ZWILCH: variants seen among roughly 807,000 people sequenced by gnomAD.
ZWILCH encodes protein zwilch homolog.
Under a neutral mutation model 79.9 loss-of-function variants are expected in ZWILCH, and 74 were observed. That is an observed-to-expected ratio of 0.93 (90% confidence interval 0.77 to 1.12). The LOEUF is 1.12. Among genes scored for constraint, ZWILCH ranks in the 50% most tolerant of loss-of-function variants. The pLI is 0.00. For missense variants in ZWILCH, 694 were observed against 687.5 expected (o/e 1.01, Z -0.11); for synonymous variants, 241 against 228.2 (o/e 1.06, Z -0.51).
intron 13 of ZWILCH, among the ~76,000 whole-genome samples, chr15:66,532,784 A>G (rs1894894821): frequency 6.6e-6 from 1 of 152,022 alleles, no homozygotes; most frequent in African/African-American, 2.4e-5. Context: ...ATGGTATAAT[A>G]TGCCAGGAAA....
chr15:66,537,516 C>T (rs1895053240), intron 16 of ZWILCH, among the ~76,000 whole-genome samples: 2 of 151,784 alleles, frequency 1.3e-5, no homozygotes, highest in African/African-American at 4.8e-5. Flanking sequence ...AATGGTGAAA[C>T]CCCATCTCTA....
chr15:66,537,136 T>A (rs776622856), intron 15 of ZWILCH, 32 bp from the exon 16 acceptor site: 5 of 1,578,800 alleles, frequency 3.2e-6, no homozygotes, highest in Non-Finnish European at 4.3e-6. Flanking sequence ...ATGGCTCTTT[T>A]TTCCAAAAGA....
In ZWILCH at chr15:66,546,728, C is replaced by T. The variant is rs756634248; in HGVS notation, c.*26+23C>T. 9.5e-6 allele frequency: 13 copies of T among 1,362,770 alleles called. No individual in the cohort carries two copies. In the South Asian group the frequency reaches 1.1e-4, roughly 11 times the overall value. The allele number at this position is 1,362,770 out of a possible 1,614,324, so 84.4% of individuals were successfully genotyped here. On this transcript the variant is annotated intron_variant, in intron 18 of 18. Coordinates refer to ENST00000307897, the MANE Select transcript of ZWILCH (RefSeq NM_017975.5). The stretch of plus-strand genomic sequence containing the variant: ...AAGGTATTTATGTTCACATTTTAGT[C>T]TCTTTGTCAAATACTTTGTAATAAG...
In ZWILCH at chr15:66,533,520, T is replaced by A. The variant is rs1028101209; in HGVS notation, c.1341+507T>A. 5.9e-5 allele frequency among the ~76,000 whole-genome samples: 9 copies of A among 152,332 alleles called. No homozygotes were observed. In the East Asian group the frequency reaches 1.7e-3, roughly 29 times the overall value. ...CTGATCTTTGACGTTCATTGAAAGA[T>A]CCTTTTGAAAATGAATTTATAGTAT... is the stretch of plus-strand genomic sequence containing the variant. On this transcript the variant is annotated intron_variant, in intron 14 of 18. Transcript: ENST00000307897.
Position 66,532,304 on chromosome 15 carries a change from A to C in ZWILCH, c.1213A>C (p.Thr405Pro), listed in dbSNP as rs1343391890. Residue 405 changes from threonine to proline, a missense_variant, in exon 13 of 19, where the codon ACC becomes CCC. Thr to Pro is a conservative substitution (Grantham distance 38). Transcript: ENST00000307897. ...SKLIHQSYHGTMDTVSLSGTI... is the reference protein window; with the variant it reads ...SKLIHQSYHGPMDTVSLSGTI... ...GCTCATTCATCAGTCTTATCATGGA[A>C]CCATGGACACAGTTTCTCTCAGTGG... The C allele has an allele frequency of 6.2e-7, 1 of 1,612,108 alleles. No homozygotes were observed. The highest frequency in any genetic ancestry group is 1.3e-5 in the African/African-American group (1 of 74,770).
At chr15:66,529,785 A>G (rs1219324625) in intron 12 of ZWILCH, among the ~76,000 whole-genome samples, 1 of 152,188 alleles carries the variant, frequency 6.6e-6, no homozygotes, top group Non-Finnish European at 1.5e-5. Context: ...GTGTTCCAGG[A>G]TTGATTAATG....
At chr15:66,540,705 T>G (rs1895166200) in intron 17 of ZWILCH, among the ~76,000 whole-genome samples, 1 of 150,604 alleles carries the variant, frequency 6.6e-6, no homozygotes, top group African/African-American at 2.4e-5. Context: ...CTCAGCTCAC[T>G]GCAGCCTCCG....
At position 66,528,753 on chromosome 15, in the gene ZWILCH, G is replaced by A; in HGVS notation, c.970-99G>A. The A allele has an allele frequency of 1.3e-5, 12 of 944,978 alleles. No individual in the cohort carries two copies. In the South Asian group the frequency reaches 1.8e-4, roughly 14 times the overall value. 58.5% of individuals were successfully genotyped at this position (944,978 alleles called of 1,614,324 possible). ...AAAATTCGTTCATATCTTTGTGTGT[G>A]TTCATGAATCCATAATTTCTCAGAG... On this transcript the variant is annotated intron_variant, in intron 10 of 18. Coordinates refer to ENST00000307897, the MANE Select transcript of ZWILCH (RefSeq NM_017975.5).
At chr15:66,518,602 A>G (rs932319195) in intron 4 of ZWILCH, among the ~76,000 whole-genome samples, 1 of 152,176 alleles carries the variant, frequency 6.6e-6, no homozygotes, top group African/African-American at 2.4e-5. Context: ...TGCTTGAGGC[A>G]AGTAGTTTGA....
intron 1 of ZWILCH, among the ~76,000 whole-genome samples, chr15:66,507,938 C>CA (rs34334763): frequency 0.32 from 31,529 of 97,346 alleles, 4,447 homozygotes; most frequent in Middle Eastern, 0.51. Context: ...GACTGCATCT[C>CA]AAAAAAAAAA....
chr15:66,527,182 A>G (rs971787643), intron 8 of ZWILCH, 108 bp from the exon 9 acceptor site: 6 of 791,172 alleles, frequency 7.6e-6, no homozygotes, highest in Admixed American at 7.0e-5. Flanking sequence ...GGGATGTGAT[A>G]AACACTCAAG....
chr15:66,507,014 G>A (rs1426180851), intron 1 of ZWILCH, among the ~76,000 whole-genome samples: 1 of 151,904 alleles, frequency 6.6e-6, no homozygotes, highest in Non-Finnish European at 1.5e-5. Flanking sequence ...ATGCCACCAC[G>A]CCTAGCTGAT....
At chr15:66,505,420 G>A (rs369798868) in intron 1 of ZWILCH, 29 bp downstream of exon 1, 71 of 1,612,912 alleles carry the variant, frequency 4.4e-5, no homozygotes, top group Middle Eastern at 1.6e-4. Context: ...TTTGGCTGGG[G>A]TCCTGGGACA....
At chr15:66,510,696 T>C (rs1169799494) in intron 2 of ZWILCH, among the ~76,000 whole-genome samples, 1 of 152,192 alleles carries the variant, frequency 6.6e-6, no homozygotes, top group East Asian at 1.9e-4. Context: ...GAAATTAAGG[T>C]GTCAGCAAGT....
chr15:66,517,726 C>CTTTTTTTTTTTTTTTTTTTT (rs1161719182), intron 4 of ZWILCH, among the ~76,000 whole-genome samples: 1 of 58,230 alleles, frequency 1.7e-5, no homozygotes, highest in Non-Finnish European at 3.0e-5. Flanking sequence ...CTTTTCTTTC[C>CTTTTTTTTTTTTTTTTTTTT]TTTTTTTTTT....
intron 4 of ZWILCH, among the ~76,000 whole-genome samples, chr15:66,517,456 A>ATATATATATATG (rs1894324730): frequency 8.2e-6 from 1 of 121,740 alleles, no homozygotes; most frequent in African/African-American, 2.9e-5. Context: ...ATATATATAT[A>ATATATATATATG]GTAATGTACA....
chr15:66,547,243 G>A (rs183446587), intron 18 of ZWILCH: 2 of 137,000 alleles, frequency 1.5e-5, no homozygotes, highest in Admixed American at 1.6e-4. Context: ...TGTCACCCAG[G>A]CTGGAGTGCA....
rs574918299 is a variant in ZWILCH, at chr15:66,532,543, G to A, written c.1312+140G>A. ...TTGTACCTGGTTCACTATGAGATGA[G>A]CATTTCCCTTCTCTGGGCCTTAGTT... On this transcript the variant is annotated intron_variant, in intron 13 of 18. Coordinates refer to ENST00000307897, the MANE Select transcript of ZWILCH (RefSeq NM_017975.5). 7.2e-4 allele frequency: 438 copies of A among 606,296 alleles called. 5 individuals carry two copies. The highest frequency in any genetic ancestry group is 1.8e-4 in the Non-Finnish European group (68 of 375,954). The allele number at this position is 606,296 out of a possible 1,614,324, so 37.6% of individuals were successfully genotyped here.
intron 17 of ZWILCH, among the ~76,000 whole-genome samples, chr15:66,544,724 TTGTGTGTGTGTGTGTG>T (rs1555426547): frequency 7.8e-6 from 1 of 128,490 alleles, no homozygotes; most frequent in Non-Finnish European, 1.6e-5. Context: ...TTTTTGGTTT[TTGTGTGTGTGTGTGTG>T]TGTGTGTGTG....
Sources: allele counts gnomAD v4.1 joint callset (sites outside exome capture counted in the v4.1 genomes callset), GRCh38; gene constraint gnomAD v4.1.1; transcripts MANE v1.5; gene names NCBI Gene and HGNC (gene_info 2026-07-23, HGNC 2026-07-21).